Variants in SLC7A10 observed in about 807,000 individuals in gnomAD.
SLC7A10 encodes the protein asc-type amino acid transporter 1.
SLC7A10 carries 30 observed loss-of-function variants against 52.7 expected under a neutral mutation model. The observed-to-expected ratio is 0.57, with a 90% CI of 0.43 to 0.77. The LOEUF (loss-of-function observed/expected upper bound fraction) is 0.77, where lower values mean the gene tolerates loss of function less well. SLC7A10 is among the 30% of genes least tolerant of loss of function. The pLI is 0.00. For missense variants in SLC7A10, 581 were observed against 698.5 expected, an observed-to-expected ratio of 0.83 and a Z score of 1.90; for synonymous variants, 318 against 314.9, an observed-to-expected ratio of 1.01 and a Z score of -0.10.
At chr19:33,220,473 C>A (rs1974790207) in intron 1 of SLC7A10, 1 of 152,234 alleles carries the variant, frequency 6.6e-6, no homozygotes, top group Non-Finnish European at 1.5e-5. Context: ...CCTGGCCTCC[C>A]CTCGGCCTTA....
intron 10 of SLC7A10, 95 bp from the exon 11 acceptor site, chr19:33,209,116 A>T: frequency 6.3e-6 from 10 of 1,587,506 alleles, no homozygotes; most frequent in Non-Finnish European, 8.6e-6. Context: ...GTCTTCAGGG[A>T]GTTGCTCCGT....
chr19:33,225,446 C>G, intron 1 of SLC7A10, 107 bp downstream of exon 1: 6 of 1,382,520 alleles, frequency 4.3e-6, no homozygotes, highest in Non-Finnish European at 6.0e-6. Flanking sequence ...TGCAGGTTCC[C>G]CAGGCAGACC....
rs1239288028 is a variant in SLC7A10 at position 33,215,858 on chromosome 19, G to A, written c.267C>T (p.Gly89=). ...CTCCCAGCTCTGCATAGCAGAGGGA[G>A]CCCAGAGCCGTCACGCCCCCACCCA... ...WVLGGGVTAL[G]SLCYAELGVA... The change falls in exon 2 of 11, where the codon GGC becomes GGT. Residue 89 remains glycine (G), a synonymous_variant. Coordinates refer to ENST00000253188, the MANE Select transcript of SLC7A10 (RefSeq NM_019849.3). 6 of 1,603,516 alleles carry A rather than the reference G, an allele frequency of 3.7e-6. No individual in the cohort carries two copies. Among genetic ancestry groups the A allele is most frequent in the Non-Finnish European group, 5.1e-6 (6 of 1,175,362 alleles).
At chr19:33,209,193 T>G in intron 10 of SLC7A10, 115 bp downstream of exon 10, 1 of 1,531,946 alleles carries the variant, frequency 6.5e-7, no homozygotes, top group Non-Finnish European at 8.9e-7. Context: ...GGCTGGGCCC[T>G]GTGTTCCCAC....
rs1974580855 is a variant in SLC7A10 at position 33,212,646 on chromosome 19, A to G, written c.509-7T>C. 5.0e-6 allele frequency: 8 copies of G among 1,613,430 alleles called. No homozygotes were observed. Among genetic ancestry groups the G allele is most frequent in the Non-Finnish European group, 6.8e-6 (8 of 1,180,022 alleles). On this transcript the variant is annotated splice_polypyrimidine_tract_variant and splice_region_variant and intron_variant, in intron 3 of 10. Coordinates refer to ENST00000253188, the MANE Select transcript of SLC7A10 (RefSeq NM_019849.3). ...TTCACCCATGTCAGGAGCACTGCGG[A>G]GGGAAGGCGGGGGTGGGCGCCGAGG...
chr19:33,208,737 GT>G lies in SLC7A10; in HGVS notation c.*153del. On this transcript the variant is annotated 3_prime_UTR_variant, in exon 11 of 11. Transcript: ENST00000253188. The surrounding 1 kb of genome is among the most constrained non-coding windows in gnomAD (Gnocchi z 4.7). Reference sequence around the variant, plus strand: ...GGGCAGTGCTAAGACAGGAAACCCAGTCCACATTTTAGGGCTTCCTTAAACA... The same window carrying G: ...GGGCAGTGCTAAGACAGGAAACCCAGCCACATTTTAGGGCTTCCTTAAACA... The G allele has an allele frequency of 1.1e-6, 1 of 930,776 alleles. No homozygotes were observed. The highest frequency in any genetic ancestry group is 1.6e-6 in the Non-Finnish European group (1 of 624,666). 57.7% of individuals were successfully genotyped at this position (930,776 alleles called of 1,614,324 possible).
intron 1 of SLC7A10, chr19:33,220,773 CCTCTCG>C (rs1974796127): frequency 6.6e-6 from 1 of 152,238 alleles, no homozygotes; most frequent in African/African-American, 2.4e-5. Flanking sequence ...CCAGAATGCT[CCTCTCG>C]ATCTTCCCTG....
intron 1 of SLC7A10, among the ~76,000 whole-genome samples, chr19:33,225,307 G>A (rs959557257): frequency 1.3e-5 from 2 of 152,250 alleles, no homozygotes; most frequent in Non-Finnish European, 2.9e-5. Context: ...AGGAGGAAGA[G>A]TCCAGCGGTG....
At chr19:33,211,075 C>T (rs139617704) in intron 7 of SLC7A10, 150 bp downstream of exon 7, 3 of 971,358 alleles carry the variant, frequency 3.1e-6, no homozygotes, top group Non-Finnish European at 3.2e-6. Context: ...CAGTTGTGAT[C>T]AGACACTTGT....
Position 33,209,368 on chromosome 19 carries a change from G to C in SLC7A10, c.1381C>G (p.Pro461Ala). 1 of 1,614,054 alleles carries C rather than the reference G, an allele frequency of 6.2e-7. No homozygotes were observed. Among genetic ancestry groups the C allele is most frequent in the Non-Finnish European group, 8.5e-7 (1 of 1,180,004 alleles). The change falls in exon 10 of 11, where the codon CCC (proline) becomes GCC (alanine). Residue 461 changes from proline (P) to alanine (A), a missense_variant. Transcript: ENST00000253188. ...VGVIIILTGV[P>A]IFFLGVFWRS... ...CAGAACACTCCCAGAAAGAAAATGG[G>C]CACCCCCGTAAGGATGATGATGACG...
intron 2 of SLC7A10, among the ~76,000 whole-genome samples, chr19:33,214,992 T>G (rs1344453689): frequency 6.6e-6 from 1 of 152,062 alleles, no homozygotes; most frequent in Non-Finnish European, 1.5e-5. Context: ...TCTGGCTGGG[T>G]GCAGTGCCTC....
intron 1 of SLC7A10, among the ~76,000 whole-genome samples, chr19:33,216,905 C>T (rs1046014154): frequency 4.0e-5 from 6 of 151,560 alleles, no homozygotes; most frequent in African/African-American, 1.5e-4. Flanking sequence ...GACAGGGTCT[C>T]GCTCTGCCAC....
chr19:33,225,041 TTGCTCACTC>T (rs987312076), intron 1 of SLC7A10, among the ~76,000 whole-genome samples: 1 of 152,226 alleles, frequency 6.6e-6, no homozygotes, highest in Non-Finnish European at 1.5e-5. Context: ...CAGGCTGCGC[TTGCTCACTC>T]TGCTCATAGG....
rs371628737 is a variant in SLC7A10, at chr19:33,208,975, G to A, written c.1488C>T (p.Pro496=). 8 of 1,613,854 alleles carry A rather than the reference G, an allele frequency of 5.0e-6. No individual in the cohort carries two copies. The highest frequency in any genetic ancestry group is 6.8e-6 in the Non-Finnish European group (8 of 1,180,036). Residue 496 remains proline, a synonymous_variant, in exon 11 of 11, where the codon CCC becomes CCT. Coordinates refer to ENST00000253188, the MANE Select transcript of SLC7A10 (RefSeq NM_019849.3). The surrounding 1 kb of genome is among the most constrained non-coding windows in gnomAD (Gnocchi z 4.7). ...TCTCCTCCTCTTCGGGGGCGTCCTG[G>A]GGGTAGACCACGAAACACAGCTCCT... The part of the protein sequence containing the change: ...WGQELCFVVY[P]QDAPEEEENG...
intron 2 of SLC7A10, among the ~76,000 whole-genome samples, chr19:33,213,965 C>T (rs80135919): frequency 0.014 from 2,206 of 152,190 alleles, 49 homozygotes; most frequent in African/African-American, 0.05. Flanking sequence ...TCGGGGACAT[C>T]AGCCATCTCT....
At chr19:33,215,660 A>ACACCTTCTCTCCCTCCACCCCCC in intron 2 of SLC7A10, 109 bp downstream of exon 2, 2 of 673,696 alleles carry the variant, frequency 3.0e-6, no homozygotes, top group South Asian at 4.5e-5. Flanking sequence ...ATCCACCCCC[A>ACACCTTCTCTCCCTCCACCCCCC]CGACCTCCCT....
chr19:33,214,042 C>A (rs1974616487), intron 2 of SLC7A10, among the ~76,000 whole-genome samples: 1 of 152,156 alleles, frequency 6.6e-6, no homozygotes, highest in African/African-American at 2.4e-5. Flanking sequence ...AGCTCCATGG[C>A]CCTCCTCCCC....
intron 2 of SLC7A10, 98 bp from the exon 3 acceptor site, chr19:33,213,100 C>T: frequency 5.3e-6 from 8 of 1,518,556 alleles, no homozygotes; most frequent in Admixed American, 2.0e-5. Context: ...GGGCCTGGCG[C>T]CCGGGGGCTG....
Position 33,223,595 on chromosome 19 carries a change from T to C in SLC7A10, c.151+1958A>G, listed in dbSNP as rs187386691. 1.2e-3 allele frequency among the ~76,000 whole-genome samples: 177 copies of C among 151,524 alleles called. 3 individuals carry two copies. Among genetic ancestry groups the C allele is most frequent in the Middle Eastern group, 6.8e-3 (2 of 294 alleles). ...CCTATCACCTTCTGGTTGAGGTTGA[T>C]CTCCTTGTTTTTTCCTGCCTCGTCC... On this transcript the variant is annotated intron_variant, in intron 1 of 10. Coordinates refer to ENST00000253188, the MANE Select transcript of SLC7A10 (RefSeq NM_019849.3).
Sources: allele counts gnomAD v4.1 joint callset (sites outside exome capture counted in the v4.1 genomes callset), GRCh38; gene constraint gnomAD v4.1.1; non-coding constraint Gnocchi (gnomAD v3.1); transcripts MANE v1.5; gene names NCBI Gene and HGNC (gene_info 2026-07-23, HGNC 2026-07-21).